Variants in FRK observed in about 807,000 individuals in gnomAD.
FRK encodes tyrosine-protein kinase FRK.
In FRK, 51 loss-of-function variants were observed where a neutral mutation model predicts 56.4. The observed-to-expected ratio is 0.90, with a 90% CI of 0.72 to 1.14. FRK has a LOEUF of 1.14. FRK is among the 50% of genes most tolerant of loss of function. The pLI is 0.00. For missense variants in FRK, 570 were observed against 601.4 expected (o/e 0.95, Z 0.55); for synonymous variants, 245 against 217.9 (o/e 1.12, Z -1.10).
intron 4 of FRK, among the ~76,000 whole-genome samples, chr6:115,962,277 C>T (rs1773404224): frequency 6.8e-6 from 1 of 147,770 alleles, no homozygotes; most frequent in Admixed American, 6.7e-5. Flanking sequence ...TTTAAACCAA[C>T]AAAGATCAAA....
chr6:116,008,776 C>T (rs980736402), intron 1 of FRK, among the ~76,000 whole-genome samples: 23 of 152,094 alleles, frequency 1.5e-4, no homozygotes, highest in Admixed American at 1.3e-3. Context: ...ACAGTTCTTA[C>T]GTGCAGTAGA....
intron 1 of FRK, among the ~76,000 whole-genome samples, chr6:116,059,122 C>T (rs1777513778): frequency 6.6e-6 from 1 of 152,128 alleles, no homozygotes; most frequent in Non-Finnish European, 1.5e-5. Context: ...CTCCCCAACT[C>T]ACCAGGCCCA....
At chr6:115,983,157 G>A (rs889952175) in intron 2 of FRK, among the ~76,000 whole-genome samples, 14 of 151,898 alleles carry the variant, frequency 9.2e-5, no homozygotes, top group Admixed American at 5.9e-4. Flanking sequence ...GTAATATTTT[G>A]TCTAATCCTC....
intron 5 of FRK, 79 bp downstream of exon 5, chr6:115,956,372 GA>G: frequency 9.4e-7 from 1 of 1,065,680 alleles, no homozygotes; most frequent in Non-Finnish European, 1.3e-6. Flanking sequence ...TTCGGTTACA[GA>G]AGGCTTGCTA....
In FRK at chr6:115,941,270, A is replaced by G. The variant is rs1772167561; in HGVS notation, c.*1144T>C. On this transcript the variant is annotated 3_prime_UTR_variant, in exon 8 of 8. Coordinates refer to ENST00000606080, the MANE Select transcript of FRK (RefSeq NM_002031.3). ...AAAAAACCAAACACAGCATGTTCTC[A>G]CTCATAAGTGGGAGCTGAACAATGA... is the stretch of plus-strand genomic sequence containing the variant. 2 of 151,208 alleles carry G rather than the reference A, an allele frequency of 1.3e-5. No homozygotes were observed. Among genetic ancestry groups the G allele is most frequent in the South Asian group, 4.2e-4 (2 of 4,710 alleles). 9.4% of individuals were successfully genotyped at this position (151,208 alleles called of 1,614,324 possible).
At chr6:116,016,316 T>G (rs1220584853) in intron 1 of FRK, among the ~76,000 whole-genome samples, 1 of 152,196 alleles carries the variant, frequency 6.6e-6, no homozygotes, top group South Asian at 2.1e-4. Context: ...TAGTTAACAT[T>G]AATCTACTGT....
intron 1 of FRK, among the ~76,000 whole-genome samples, chr6:116,017,276 C>A (rs1162731445): frequency 6.6e-6 from 1 of 152,172 alleles, no homozygotes; most frequent in Admixed American, 6.6e-5. Flanking sequence ...TGAACTGCAA[C>A]CTAAATGGAT....
chr6:116,082,002 A>T, the FRK span, among the ~76,000 whole-genome samples: 1 of 152,218 alleles, frequency 6.6e-6, no homozygotes, highest in Non-Finnish European at 1.5e-5. Flanking sequence ...CACAGCAAAG[A>T]TAAATGGTGT....
intron 4 of FRK, among the ~76,000 whole-genome samples, chr6:115,957,503 A>C (rs572793868): frequency 5.3e-5 from 8 of 152,370 alleles, no homozygotes; most frequent in African/African-American, 1.9e-4. Flanking sequence ...TTCACTATGA[A>C]TAATGCAAAT....
intron 5 of FRK, among the ~76,000 whole-genome samples, chr6:115,953,381 G>T (rs976379856): frequency 3.3e-5 from 5 of 151,086 alleles, no homozygotes; most frequent in Non-Finnish European, 5.9e-5. Context: ...AGTAGAGACG[G>T]GGTTTCACCG....
At chr6:115,985,901 G>A (rs1172555417) in intron 2 of FRK, among the ~76,000 whole-genome samples, 5 of 89,314 alleles carry the variant, frequency 5.6e-5, no homozygotes, top group African/African-American at 1.7e-4. Context: ...CCAACAAGCA[G>A]CAAAATCATT....
intron 2 of FRK, among the ~76,000 whole-genome samples, chr6:115,980,268 T>C (rs1261089948): frequency 6.6e-6 from 1 of 152,122 alleles, no homozygotes; most frequent in East Asian, 1.9e-4. Context: ...TAAATGACTG[T>C]TAAATTGTAG....
chr6:116,068,723 C>T, the FRK span, among the ~76,000 whole-genome samples: 231 of 152,108 alleles, frequency 1.5e-3, no homozygotes, highest in Middle Eastern at 6.8e-3. Flanking sequence ...TCATGAAACC[C>T]TATTTCTATA....
At chr6:116,018,642 A>G (rs975125200) in intron 1 of FRK, among the ~76,000 whole-genome samples, 1 of 152,200 alleles carries the variant, frequency 6.6e-6, no homozygotes, top group African/African-American at 2.4e-5. Flanking sequence ...CATGTAAACT[A>G]TTTATATACA....
chr6:116,009,680 C>A (rs187265831), intron 1 of FRK, among the ~76,000 whole-genome samples: 1 of 152,192 alleles, frequency 6.6e-6, no homozygotes, highest in East Asian at 1.9e-4. Flanking sequence ...GAAACAAATG[C>A]TTCAATTTGA....
intron 2 of FRK, among the ~76,000 whole-genome samples, chr6:115,973,417 G>A (rs1205334889): frequency 6.6e-6 from 1 of 152,092 alleles, no homozygotes; most frequent in Non-Finnish European, 1.5e-5. Flanking sequence ...GGGGGATGTG[G>A]GATTAAGGGT....
intron 1 of FRK, among the ~76,000 whole-genome samples, chr6:116,009,167 T>C (rs1775372601): frequency 6.6e-6 from 1 of 152,214 alleles, no homozygotes; most frequent in Non-Finnish European, 1.5e-5. Context: ...CCCCCTTTGA[T>C]TGGCCAAACT....
chr6:115,967,509 TA>T, intron 4 of FRK, 41 bp downstream of exon 4: 1 of 1,590,552 alleles, frequency 6.3e-7, no homozygotes, highest in South Asian at 1.1e-5. Flanking sequence ...ATTGAGCTCA[TA>T]AAAATCAACA....
intron 4 of FRK, among the ~76,000 whole-genome samples, chr6:115,958,699 A>G (rs1201407684): frequency 1.0e-3 from 5 of 4,902 alleles, no homozygotes; most frequent in African/African-American, 1.4e-3. Context: ...AAAGAAAGAA[A>G]GAAAGAAGAA....
Sources: gnomAD v4.1 joint callset for allele counts (sites outside exome capture counted in the v4.1 genomes callset) on GRCh38, gnomAD v4.1.1 for gene constraint, MANE v1.5 for transcripts, NCBI Gene and HGNC (gene_info 2026-07-23, HGNC 2026-07-21) for gene names.